CTAG2: variants seen among roughly 807,000 people sequenced by gnomAD.
CTAG2 encodes cancer/testis antigen 2, also known as CTL-recognized antigen on melanoma.
A neutral mutation model predicts 5.7 loss-of-function variants in CTAG2; 5 were observed. The observed-to-expected ratio is 0.88, with a 90% CI of 0.46 to 1.85. The LOEUF is 1.85. Ranked by LOEUF, CTAG2 falls within the 40% of genes most tolerant of loss-of-function variation. The pLI, the probability that CTAG2 is intolerant of heterozygous loss-of-function variation, is 0.01. For missense variants in CTAG2, 151 were observed against 169.9 expected (o/e 0.89, Z 0.62); for synonymous variants, 63 against 80.9 (o/e 0.78, Z 1.19).
chrX:154,653,334 G>C lies in CTAG2; in HGVS notation c.182C>G (p.Pro61Arg), dbSNP rs782709417. 88 of 1,203,221 alleles carry C rather than the reference G, an allele frequency of 7.3e-5. No individual in the cohort carries two copies. In the South Asian group the frequency reaches 1.5e-3, roughly 20 times the overall value. The change falls in exon 1 of 3, where the codon CCG becomes CGG. Residue 61 changes from proline to arginine, a missense_variant. Around this residue, in one of 2 missense-constraint regions of CTAG2, gnomAD observed 147 missense variants for 151.0 expected, o/e 0.97. Transcript: ENST00000369585. Reference sequence around the variant, plus strand: ...AGCGGCACCGCCATGCGGACCCCGCGGGGCGCCTCCTCTCGGCCCCGAGGC... The same window carrying C: ...AGCGGCACCGCCATGCGGACCCCGCCGGGCGCCTCCTCTCGGCCCCGAGGC... ...ARASGPRGGA[P>R]RGPHGGAASA...
rs1557241905 is a variant in CTAG2 at position 154,653,484 on chromosome X, G to C, written c.32C>G (p.Ser11Trp). The change falls in exon 1 of 3, where the codon TCG becomes TGG. Residue 11 changes from serine (S) to tryptophan (W), a missense_variant. This residue lies in a region of CTAG2 where 4 missense variants were observed against 18.9 expected (regional missense o/e 0.21). Transcript: ENST00000369585. Reference sequence around the variant, plus strand: ...TCCTGGGCCATCAGCATCGCCCGTCGAACCCCCTGTGCCCCGGCCTTCGGC... The same window carrying C: ...TCCTGGGCCATCAGCATCGCCCGTCCAACCCCCTGTGCCCCGGCCTTCGGC... MQAEGRGTGG[S>W]TGDADGPGGP... is the part of the protein sequence containing the mutation. The C allele has an allele frequency of 4.5e-6, 5 of 1,104,445 alleles. No homozygotes were observed. The highest frequency in any genetic ancestry group is 2.4e-6 in the Non-Finnish European group (2 of 841,300). 91.0% of individuals were successfully genotyped at this position (1,104,445 alleles called of 1,213,427 possible).
At position 154,652,211 on chromosome X, in the gene CTAG2, TGGAGACA is replaced by T. The variant is rs782431795; in HGVS notation, c.454_460del (p.Cys152SerfsTer6). The T allele has an allele frequency of 8.3e-7, 1 of 1,207,883 alleles. No homozygotes were observed. Among genetic ancestry groups the T allele is most frequent in the South Asian group, 1.8e-5 (1 of 56,710 alleles). On this transcript the variant is annotated frameshift_variant, in exon 3 of 3. Coordinates refer to ENST00000369585, the MANE Select transcript of CTAG2 (RefSeq NM_172377.5). LOFTEE classifies it low-confidence loss of function (END_TRUNC). Reference sequence around the variant, plus strand: ...GATCCACATCAACAGGGAAAGCTGCTGGAGACAGGAGCTGATGGAGAGCTGCAGTTGG... The same window carrying T: ...GATCCACATCAACAGGGAAAGCTGCTGGAGCTGATGGAGAGCTGCAGTTGG...
At position 154,653,282 on chromosome X, in the gene CTAG2, G is replaced by A; in HGVS notation, c.234C>T (p.Cys78=). The A allele has an allele frequency of 1.7e-6, 2 of 1,208,629 alleles. No individual in the cohort carries two copies. The highest frequency in any genetic ancestry group is 2.2e-6 in the Non-Finnish European group (2 of 894,289). ...GGCGGCTGTCCGGCCTCCTGGCCCC[G>A]CAGGGGCACCTTCCATCCTGCGCAG... ...AASAQDGRCP[C]GARRPDSRLL... is the part of the protein sequence containing the mutation. The change falls in exon 1 of 3, where the codon TGC becomes TGT. Residue 78 remains cysteine (C), a synonymous_variant. Coordinates refer to ENST00000369585, the MANE Select transcript of CTAG2 (RefSeq NM_172377.5).
At chrX:154,652,778 C>T (rs1603420460) in intron 1 of CTAG2, 147 bp from the exon 2 acceptor site, 3 of 682,512 alleles carry the variant, frequency 4.4e-6, no homozygotes, top group East Asian at 7.1e-5. Context: ...TGTTGCACCT[C>T]AAGCTGACTC....
rs782629684 is a variant in CTAG2, at chrX:154,653,375, G to A, written c.141C>T (p.Gly47=). The part of the protein sequence containing the change: ...AGATGGRGPR[G]AGAARASGPR... ...GCCCCGAGGCCCTTGCTGCCCCTGC[G>A]CCCCGGGGACCTCTGCCGCCCGTGG... The change falls in exon 1 of 3, where the codon GGC becomes GGT. Residue 47 remains glycine, a synonymous_variant. Coordinates refer to ENST00000369585, the MANE Select transcript of CTAG2 (RefSeq NM_172377.5). 2 of 1,179,276 alleles carry A rather than the reference G, an allele frequency of 1.7e-6. No individual in the cohort carries two copies. Among genetic ancestry groups the A allele is most frequent in the Admixed American group, 2.4e-5 (1 of 42,157 alleles).
chrX:154,653,126 G>A lies in CTAG2; in HGVS notation c.269+121C>T, dbSNP rs1338532048. 5.2e-5 allele frequency: 21 copies of A among 406,146 alleles called. No individual in the cohort carries two copies. The African/African-American group carries it at 7.3e-4, about 14-fold the overall frequency. The allele number at this position is 406,146 out of a possible 1,213,427, so 33.5% of individuals were successfully genotyped here. A position where few individuals can be genotyped will look rare whatever the true frequency, so the allele number is the denominator to read the frequency against. On this transcript the variant is annotated intron_variant, in intron 1 of 2. Coordinates refer to ENST00000369585, the MANE Select transcript of CTAG2 (RefSeq NM_172377.5). Reference sequence around the variant, plus strand: ...CCCCATCTCCCAAACCCCACCTTCCGCACCTGGCCCTGCCCTCACCCACCT... The same window carrying A: ...CCCCATCTCCCAAACCCCACCTTCCACACCTGGCCCTGCCCTCACCCACCT...
intron 1 of CTAG2, 112 bp from the exon 2 acceptor site, chrX:154,652,743 G>T: frequency 1.1e-6 from 1 of 904,546 alleles, no homozygotes; most frequent in Non-Finnish European, 1.5e-6. Flanking sequence ...ACCCCACCCA[G>T]CTGTCTTGAT....
chrX:154,653,131 T>A, intron 1 of CTAG2, 116 bp downstream of exon 1: 2 of 509,145 alleles, frequency 3.9e-6, no homozygotes, highest in East Asian at 1.4e-4. Flanking sequence ...CTTCCGCACC[T>A]GGCCCTGCCC....
At chrX:154,652,463 C>T (rs1256478035) in intron 2 of CTAG2, 34 bp downstream of exon 2, 1 of 1,209,330 alleles carries the variant, frequency 8.3e-7, no homozygotes, top group African/African-American at 1.8e-5. Flanking sequence ...CCCTCATCCG[C>T]CCAGCGCCTT....
chrX:154,652,587 A>G lies in CTAG2; in HGVS notation c.314T>C (p.Val105Ala), dbSNP rs1557241540. 1 of 1,206,932 alleles carries G rather than the reference A, an allele frequency of 8.3e-7. No individual in the cohort carries two copies. The highest frequency in any genetic ancestry group is 1.1e-6 in the Non-Finnish European group (1 of 892,624). ...GGCATCCCGGGACAGGATCCTGCGG[A>G]CCAGCTCCGCTTCCATGGGCGACGA... ...PFSSPMEAEL[V>A]RRILSRDAAP... The change falls in exon 2 of 3, where the codon GTC (valine) becomes GCC (alanine). Residue 105 changes from valine (V) to alanine (A), a missense_variant. By Grantham distance (64) the Val-to-Ala change is moderately conservative (BLOSUM62 0). This residue lies in a region of CTAG2 where 147 missense variants were observed against 151.0 expected (regional missense o/e 0.97). Transcript: ENST00000369585.
chrX:154,652,389 G>C, intron 2 of CTAG2, 108 bp downstream of exon 2: 1 of 1,211,322 alleles, frequency 8.3e-7, no homozygotes, highest in Non-Finnish European at 1.1e-6. Context: ...CTTGTGTTTG[G>C]GTGTTCTGAG....
In CTAG2 at chrX:154,652,782, C is replaced by T; in HGVS notation, c.270-151G>A. 7.4e-6 allele frequency: 5 copies of T among 672,617 alleles called. No homozygotes were observed. In the South Asian group the frequency reaches 1.2e-4, roughly 16 times the overall value. 55.4% of individuals were successfully genotyped at this position (672,617 alleles called of 1,213,427 possible). On this transcript the variant is annotated intron_variant, in intron 1 of 2. Coordinates refer to ENST00000369585, the MANE Select transcript of CTAG2 (RefSeq NM_172377.5). ...CCACTTTCCTCTGTTGCACCTCAAGCTGACTCCTGCGTGCCCTTCCAAGGC... is the reference window on the plus strand; with the variant it reads ...CCACTTTCCTCTGTTGCACCTCAAGTTGACTCCTGCGTGCCCTTCCAAGGC...
rs782197152 is a variant in CTAG2 at position 154,652,599 on chromosome X, T to C, written c.302A>G (p.Glu101Gly). 1.4e-5 allele frequency: 17 copies of C among 1,204,388 alleles called. No homozygotes were observed. The highest frequency in any genetic ancestry group is 1.8e-5 in the Non-Finnish European group (16 of 891,121). ...CAGGATCCTGCGGACCAGCTCCGCT[T>C]CCATGGGCGACGAGAAAGGCATCGT... ...HITMPFSSPM[E>G]AELVRRILSR... The change falls in exon 2 of 3, where the codon GAA becomes GGA. Residue 101 changes from glutamate (E) to glycine (G), a missense_variant. By Grantham distance (98) the Glu-to-Gly change is moderately conservative. Around this residue, in one of 2 missense-constraint regions of CTAG2, gnomAD observed 147 missense variants for 151.0 expected, o/e 0.97. Coordinates refer to ENST00000369585, the MANE Select transcript of CTAG2 (RefSeq NM_172377.5).
Position 154,653,179 on chromosome X carries a change from C to T in CTAG2, c.269+68G>A, listed in dbSNP as rs1326476867. The T allele has an allele frequency of 3.5e-5, 41 of 1,158,561 alleles. No homozygotes were observed. The Admixed American group carries it at 5.6e-4, about 16-fold the overall frequency. On this transcript the variant is annotated intron_variant, in intron 1 of 2. Coordinates refer to ENST00000369585, the MANE Select transcript of CTAG2 (RefSeq NM_172377.5). ...TGGCCCTGCCCCCCACCTCTTGACCCTGTTGTCTCCGTCTCACGGCCCCCA... is the reference window on the plus strand; with the variant it reads ...TGGCCCTGCCCCCCACCTCTTGACCTTGTTGTCTCCGTCTCACGGCCCCCA...
Position 154,652,488 on chromosome X carries a change from C to G in CTAG2, c.404+9G>C. The G allele has an allele frequency of 1.7e-6, 2 of 1,211,171 alleles. No individual in the cohort carries two copies. The highest frequency in any genetic ancestry group is 3.0e-5 in the East Asian group (1 of 33,790). ...CCCAGCGCCTTCCCTGTCCTGGTCC[C>G]GAACTGACATAAACAGTAGGTTGCC... On this transcript the variant is annotated intron_variant, in intron 2 of 2. Coordinates refer to ENST00000369585, the MANE Select transcript of CTAG2 (RefSeq NM_172377.5).
At chrX:154,652,382 G>T in intron 2 of CTAG2, 115 bp from the exon 3 acceptor site, 1 of 1,211,541 alleles carries the variant, frequency 8.3e-7, no homozygotes, top group Non-Finnish European at 1.1e-6. Context: ...CTGAGACCTT[G>T]TGTTTGGGTG....
chrX:154,652,568 C>A lies in CTAG2; in HGVS notation c.333G>T (p.Arg111=). The A allele has an allele frequency of 8.3e-7, 1 of 1,210,326 alleles. No homozygotes were observed. Among genetic ancestry groups the A allele is most frequent in the Non-Finnish European group, 1.1e-6 (1 of 894,718 alleles). Residue 111 remains arginine, a synonymous_variant, in exon 2 of 3, where the codon CGG becomes CGT. Transcript: ENST00000369585. The stretch of plus-strand genomic sequence containing the variant: ...CTGGTCGGGGGAGCGGTGCGGCATC[C>A]CGGGACAGGATCCTGCGGACCAGCT... ...EAELVRRILS[R]DAAPLPRPGA...
chrX:154,652,442 C>G, intron 2 of CTAG2, 55 bp downstream of exon 2: 1 of 1,211,429 alleles, frequency 8.3e-7, no homozygotes, highest in Non-Finnish European at 1.1e-6. Context: ...ATCCCAGCCC[C>G]CAACCCACCA....
intron 1 of CTAG2, 84 bp from the exon 2 acceptor site, chrX:154,652,715 G>A: frequency 9.5e-7 from 1 of 1,053,517 alleles, no homozygotes; most frequent in Non-Finnish European, 1.3e-6. Context: ...CCCACGCACT[G>A]GCCCAGGTCC....
Sources: allele counts gnomAD v4.1 joint callset, GRCh38; gene constraint gnomAD v4.1.1; regional missense constraint gnomAD v4.1.1; transcripts MANE v1.5; gene names NCBI Gene and HGNC (gene_info 2026-07-23, HGNC 2026-07-21).